Variants in HDHD2 observed in about 807,000 individuals in gnomAD.
HDHD2 encodes the protein haloacid dehalogenase-like hydrolase domain-containing protein 2.
HDHD2 carries 26 observed loss-of-function variants against 24.8 expected under a neutral mutation model. The observed-to-expected ratio is 1.05, with a 90% confidence interval of 0.77 to 1.45. The LOEUF (loss-of-function observed/expected upper bound fraction) is 1.45. Ranked by LOEUF, HDHD2 falls within the 40% of genes most tolerant of loss-of-function variation. The pLI, the probability that HDHD2 is intolerant of heterozygous loss-of-function variation, is 0.00. For synonymous variants in HDHD2, 128 were observed against 114.9 expected (o/e 1.11, Z -0.73); for missense variants, 299 against 313.4 (o/e 0.95, Z 0.35).
Position 47,137,166 on chromosome 18 carries a change from G to A in HDHD2, c.-10-717C>T, listed in dbSNP as rs181342023. The A allele has an allele frequency of 3.2e-4, 227 of 714,528 alleles. 1 individual carries two copies. The African/African-American group carries it at 3.7e-3, about 12-fold the overall frequency. The allele number at this position is 714,528 out of a possible 1,614,324, so 44.3% of individuals were successfully genotyped here. ...AAACTAATGAAAGACTATTGTGAAT[G>A]ACAGGGATTGTCAATGAGGCAGATG... is the stretch of plus-strand genomic sequence containing the variant. On this transcript the variant is annotated intron_variant, in intron 1 of 6. Coordinates refer to ENST00000300605, the MANE Select transcript of HDHD2 (RefSeq NM_032124.5).
At chr18:47,119,677 C>T (rs1350466778) in intron 4 of HDHD2, among the ~76,000 whole-genome samples, 1 of 152,148 alleles carries the variant, frequency 6.6e-6, no homozygotes, top group Non-Finnish European at 1.5e-5. Context: ...ACATTTTGAC[C>T]TTTCATGAAC....
chr18:47,135,375 C>A (rs543193078), intron 2 of HDHD2, among the ~76,000 whole-genome samples: 1 of 151,808 alleles, frequency 6.6e-6, no homozygotes, highest in African/African-American at 2.4e-5. Flanking sequence ...GATTCTCCTG[C>A]CTCAGCCTCC....
At chr18:47,133,497 TTAATGGGATGGC>T (rs1752911163) in intron 3 of HDHD2, among the ~76,000 whole-genome samples, 14 of 104,396 alleles carry the variant, frequency 1.3e-4, no homozygotes, top group South Asian at 3.0e-4. Flanking sequence ...TTATAGTCCT[TTAATGGGATGGC>T]TGGGTCAAAT....
chr18:47,144,311 A>C (rs949699913), intron 1 of HDHD2, among the ~76,000 whole-genome samples: 1 of 152,158 alleles, frequency 6.6e-6, no homozygotes, highest in Non-Finnish European at 1.5e-5. Context: ...CTCTGACCTA[A>C]AAACCAAGAC....
intron 1 of HDHD2, among the ~76,000 whole-genome samples, chr18:47,139,980 C>T (rs184165335): frequency 6.6e-6 from 1 of 152,280 alleles, no homozygotes; most frequent in African/African-American, 2.4e-5. Context: ...GCTGAAGCCT[C>T]CTGTAAGAAC....
intron 6 of HDHD2, chr18:47,110,916 C>T (rs1296078050): frequency 1.0e-6 from 1 of 984,846 alleles, no homozygotes; most frequent in Non-Finnish European, 1.2e-6. Context: ...CCTTGTGCTA[C>T]CCCTTTAGAA....
At chr18:47,144,297 G>A (rs955160432) in intron 1 of HDHD2, among the ~76,000 whole-genome samples, 1 of 152,154 alleles carries the variant, frequency 6.6e-6, no homozygotes, top group Non-Finnish European at 1.5e-5. Flanking sequence ...TGAAGAGATA[G>A]ATCCTCTGAC....
rs375283904 is a variant in HDHD2 at position 47,108,699 on chromosome 18, G to A, written c.763C>T (p.Leu255=). 39 of 1,596,680 alleles carry A rather than the reference G, an allele frequency of 2.4e-5. No homozygotes were observed. In the Middle Eastern group the frequency reaches 5.0e-4, roughly 20 times the overall value. The change falls in exon 7 of 7, where the codon CTG becomes TTG. Residue 255 remains leucine (L), a synonymous_variant. Transcript: ENST00000300605. ...ESFPHAVDHI[L]QHLL ...ACACTGCTTCACAATAGGTGCTGCA[G>A]AATGTGGTCCACAGCATGAGGGAAA...
chr18:47,122,631 G>A (rs1467792837), intron 4 of HDHD2, among the ~76,000 whole-genome samples: 1 of 152,010 alleles, frequency 6.6e-6, no homozygotes, highest in Non-Finnish European at 1.5e-5. Context: ...TAAAACTAGT[G>A]AATCATGAAA....
At chr18:47,139,465 A>C (rs1429402142) in intron 1 of HDHD2, among the ~76,000 whole-genome samples, 1 of 32,202 alleles carries the variant, frequency 3.1e-5, no homozygotes, top group Non-Finnish European at 6.3e-5. Flanking sequence ...ACTCTGTCTC[A>C]AAAAAAAAAA....
intron 6 of HDHD2, 39 bp downstream of exon 6, chr18:47,112,938 A>C: frequency 6.6e-7 from 1 of 1,521,434 alleles, no homozygotes; most frequent in Non-Finnish European, 9.1e-7. Flanking sequence ...GTATTCTACT[A>C]TTCTGTTTTA....
intron 1 of HDHD2, among the ~76,000 whole-genome samples, chr18:47,143,780 T>C (rs907031454): frequency 2.0e-5 from 3 of 152,122 alleles, no homozygotes; most frequent in Non-Finnish European, 4.4e-5. Flanking sequence ...CAAAATTATA[T>C]CCATCTTTAA....
At chr18:47,113,335 C>G (rs1286549158) in intron 5 of HDHD2, among the ~76,000 whole-genome samples, 1 of 152,194 alleles carries the variant, frequency 6.6e-6, no homozygotes, top group African/African-American at 2.4e-5. Context: ...ACACCTACAT[C>G]TATTTATCTC....
In HDHD2 at chr18:47,142,649, T is replaced by C. The variant is rs867283942; in HGVS notation, c.-10-6200A>G. 5.9e-5 allele frequency among the ~76,000 whole-genome samples: 9 copies of C among 152,026 alleles called. No homozygotes were observed. In the South Asian group the frequency reaches 1.9e-3, roughly 32 times the overall value. On this transcript the variant is annotated intron_variant, in intron 1 of 6. Coordinates refer to ENST00000300605, the MANE Select transcript of HDHD2 (RefSeq NM_032124.5). The stretch of plus-strand genomic sequence containing the variant: ...GGAGAAAGAAAAATAATGAGGAAAA[T>C]ACATGTGATTATATAAGAATAAGAG...
At chr18:47,113,916 G>A (rs889109794) in intron 5 of HDHD2, among the ~76,000 whole-genome samples, 8 of 152,018 alleles carry the variant, frequency 5.3e-5, no homozygotes, top group African/African-American at 1.9e-4. Flanking sequence ...TAGGGAGGTG[G>A]GAAAAAGAAT....
In HDHD2 at chr18:47,130,271, T is replaced by C; in HGVS notation, c.368A>G (p.His123Arg). 5 of 1,606,948 alleles carry C rather than the reference T, an allele frequency of 3.1e-6. No homozygotes were observed. Among genetic ancestry groups the C allele is most frequent in the Non-Finnish European group, 4.3e-6 (5 of 1,174,706 alleles). Residue 123 changes from histidine (H) to arginine (R), a missense_variant, in exon 4 of 7, where the codon CAT becomes CGT. By Grantham distance (29) the His-to-Arg change is conservative. Coordinates refer to ENST00000300605, the MANE Select transcript of HDHD2 (RefSeq NM_032124.5). Reference protein sequence around the residue: ...VVMGLAPEHFHYQILNQAFRL... With the variant: ...VVMGLAPEHFRYQILNQAFRL... ...GAATGCTTGATTCAGAATTTGATAA[T>C]GAAAATGTTCTGGTGCCAATCCCAT...
chr18:47,140,984 T>C (rs1235783071), intron 1 of HDHD2, among the ~76,000 whole-genome samples: 1 of 152,258 alleles, frequency 6.6e-6, no homozygotes, highest in Non-Finnish European at 1.5e-5. Context: ...TTTTCTGTTT[T>C]ATTATTCTAG....
chr18:47,138,171 CAAAAAAAAAAAAAA>C (rs58644217), intron 1 of HDHD2, among the ~76,000 whole-genome samples: 613 of 54,994 alleles, frequency 0.011, 8 homozygotes, highest in African/African-American at 0.044. Context: ...GATTCTGTCG[CAAAAAAAAAAAAAA>C]AAAAAAAAAA....
At chr18:47,144,278 G>A (rs996600727) in intron 1 of HDHD2, among the ~76,000 whole-genome samples, 36 of 152,090 alleles carry the variant, frequency 2.4e-4, no homozygotes, top group Admixed American at 3.3e-4. Flanking sequence ...GATAAACTCA[G>A]AGCCCATCTG....
Sources: gnomAD v4.1 joint callset for allele counts (sites outside exome capture counted in the v4.1 genomes callset) on GRCh38, gnomAD v4.1.1 for gene constraint, MANE v1.5 for transcripts, NCBI Gene and HGNC (gene_info 2026-07-23, HGNC 2026-07-21) for gene names.